Variants in ANAPC5 observed in about 807,000 individuals in gnomAD.
The protein encoded by ANAPC5 is anaphase promoting complex subunit 5.
Under a neutral mutation model 91.3 loss-of-function variants are expected in ANAPC5, and 60 were observed. The ratio of observed to expected loss-of-function variants is 0.66; its 90% CI spans 0.53 to 0.81. ANAPC5 has a LOEUF of 0.81. Among genes scored for constraint, ANAPC5 ranks in the 40% least tolerant of loss-of-function variants. The probability of loss-of-function intolerance (pLI) is 0.00; values close to 1 mark genes in which losing one functional copy is unlikely to be tolerated. For missense variants in ANAPC5, 690 were observed against 931.5 expected (o/e 0.74, Z 3.37); for synonymous variants, 340 against 364.1 (o/e 0.93, Z 0.75).
intron 5 of ANAPC5, 68 bp from the exon 6 acceptor site, chr12:121,337,460 T>G: frequency 1.8e-6 from 2 of 1,130,710 alleles, no homozygotes; most frequent in Non-Finnish European, 1.3e-6. Flanking sequence ...ATATACTAAC[T>G]AGCATCACCT....
intron 15 of ANAPC5, chr12:121,317,792 T>A (rs1902428140): frequency 6.6e-6 from 1 of 152,414 alleles, no homozygotes; most frequent in Non-Finnish European, 1.5e-5. Flanking sequence ...TTAATATTTA[T>A]TGAAAGCCTT....
chr12:121,352,577 T>C, upstream of ANAPC5: 1 of 465,566 alleles, frequency 2.1e-6, no homozygotes, highest in Non-Finnish European at 3.8e-6. Flanking sequence ...ACTGACTCCC[T>C]ACAGAAACTT....
In ANAPC5 at chr12:121,315,998, A is replaced by G. The variant is rs75088361; in HGVS notation, c.1893+2279T>C. 1.7e-3 allele frequency among the ~76,000 whole-genome samples: 253 copies of G among 152,352 alleles called. 4 individuals are homozygous for G. The East Asian group carries it at 0.043, about 26-fold the overall frequency. On this transcript the variant is annotated intron_variant, in intron 15 of 16. Transcript: ENST00000261819. ...TCAAAAGACACTAACAAGAAAGTGA[A>G]AAGACCAAACACAGAACAGGAGAAA...
chr12:121,337,267 C>A (rs1903274625), intron 6 of ANAPC5, 24 bp downstream of exon 6: 2 of 1,586,152 alleles, frequency 1.3e-6, no homozygotes, highest in Non-Finnish European at 8.6e-7. Flanking sequence ...TCCAACACAG[C>A]AACAAATTCT....
chr12:121,347,955 C>A (rs539671812), intron 1 of ANAPC5, 74 bp from the exon 2 acceptor site: 26 of 1,008,750 alleles, frequency 2.6e-5, no homozygotes, highest in African/African-American at 2.3e-4. Context: ...AACATAAATT[C>A]ATTTATCAAC....
Position 121,352,350 on chromosome 12 carries a change from A to G in ANAPC5, c.-10T>C, listed in dbSNP as rs2136829556. 6.3e-7 allele frequency: 1 copy of G among 1,587,192 alleles called. No individual in the cohort carries two copies. Among genetic ancestry groups the G allele is most frequent in the East Asian group, 2.3e-5 (1 of 44,288 alleles). Reference sequence around the variant, plus strand: ...CGTGGACGCTGGCCATGGCGGCCCGAGACTAAGTCTCGGGCCCGCGGCGCG... The same window carrying G: ...CGTGGACGCTGGCCATGGCGGCCCGGGACTAAGTCTCGGGCCCGCGGCGCG... On this transcript the variant is annotated 5_prime_UTR_variant, in exon 1 of 17. Coordinates refer to ENST00000261819, the MANE Select transcript of ANAPC5 (RefSeq NM_016237.5).
At chr12:121,325,993 C>T (rs958632027) in intron 11 of ANAPC5, among the ~76,000 whole-genome samples, 1 of 152,170 alleles carries the variant, frequency 6.6e-6, no homozygotes, top group East Asian at 1.9e-4. Flanking sequence ...AGGGAAGAAA[C>T]AAGCGAGAGA....
At position 121,347,924 on chromosome 12, in the gene ANAPC5, G is replaced by A. The variant is rs201004490; in HGVS notation, c.208-43C>T. 39 of 1,320,540 alleles carry A rather than the reference G, an allele frequency of 3.0e-5. No individual in the cohort carries two copies. In the East Asian group the frequency reaches 9.0e-4, roughly 30 times the overall value. The allele number at this position is 1,320,540 out of a possible 1,614,324, so 81.8% of individuals were successfully genotyped here. On this transcript the variant is annotated intron_variant, in intron 1 of 16. Transcript: ENST00000261819. Reference sequence around the variant, plus strand: ...AGGGAGGTATGGATTTTAAAGAGCTGGAGACTGATAAAGAATTGCAAACAT... The same window carrying A: ...AGGGAGGTATGGATTTTAAAGAGCTAGAGACTGATAAAGAATTGCAAACAT...
At chr12:121,321,812 AC>A (rs1902621140) in intron 11 of ANAPC5, among the ~76,000 whole-genome samples, 1 of 151,888 alleles carries the variant, frequency 6.6e-6, no homozygotes, top group Non-Finnish European at 1.5e-5. Flanking sequence ...TGCTGGGATT[AC>A]AGGCATGAGC....
At chr12:121,330,374 T>C (rs1455766942) in intron 9 of ANAPC5, among the ~76,000 whole-genome samples, 1 of 152,208 alleles carries the variant, frequency 6.6e-6, no homozygotes, top group African/African-American at 2.4e-5. Flanking sequence ...TTTCCACAGA[T>C]GTTATTAGGA....
At position 121,352,260 on chromosome 12, in the gene ANAPC5, C is replaced by T; in HGVS notation, c.81G>A (p.Lys27=). The change falls in exon 1 of 17, where the codon AAG becomes AAA. Residue 27 remains lysine, a synonymous_variant. Coordinates refer to ENST00000261819, the MANE Select transcript of ANAPC5 (RefSeq NM_016237.5). The part of the protein sequence containing the change: ...GVVHANVFGI[K]DWVTPYKIAV... Reference sequence around the variant, plus strand: ...CGATCTTGTACGGCGTCACCCAGTCCTTGATGCCGAACACATTGGCGTGCA... The same window carrying T: ...CGATCTTGTACGGCGTCACCCAGTCTTTGATGCCGAACACATTGGCGTGCA... 6.2e-7 allele frequency: 1 copy of T among 1,614,174 alleles called. No homozygotes were observed. The highest frequency in any genetic ancestry group is 2.2e-5 in the East Asian group (1 of 44,880).
intron 5 of ANAPC5, among the ~76,000 whole-genome samples, chr12:121,338,847 T>C (rs1163582225): frequency 2.6e-5 from 4 of 151,992 alleles, no homozygotes; most frequent in Non-Finnish European, 5.9e-5. Flanking sequence ...CAATATACCC[T>C]GTATTGTAAA....
intron 5 of ANAPC5, among the ~76,000 whole-genome samples, chr12:121,340,457 C>T (rs1291953400): frequency 1.3e-5 from 2 of 152,002 alleles, no homozygotes; most frequent in Non-Finnish European, 2.9e-5. Flanking sequence ...TCCAGCTGTA[C>T]TTTTTCCTTA....
At chr12:121,324,829 C>A (rs1431141605) in intron 11 of ANAPC5, among the ~76,000 whole-genome samples, 4 of 152,116 alleles carry the variant, frequency 2.6e-5, no homozygotes, top group African/African-American at 9.7e-5. Context: ...CTGCAGTGAG[C>A]TATGATTGTG....
intron 15 of ANAPC5, among the ~76,000 whole-genome samples, chr12:121,316,803 G>A (rs532466859): frequency 2.7e-5 from 4 of 149,308 alleles, no homozygotes; most frequent in Non-Finnish European, 4.4e-5. Context: ...GTAAAGAGCC[G>A]CTATTCATAA....
At chr12:121,336,285 A>T (rs1903234354) in intron 6 of ANAPC5, among the ~76,000 whole-genome samples, 1 of 152,150 alleles carries the variant, frequency 6.6e-6, no homozygotes, top group South Asian at 2.1e-4. Context: ...ATTTAAGAAA[A>T]TTTTCCGAGT....
chr12:121,347,094 A>T lies in ANAPC5; in HGVS notation c.288-89T>A, dbSNP rs144716812. 1,710 of 716,094 alleles carry T rather than the reference A, an allele frequency of 2.4e-3. 19 individuals carry two copies. The Middle Eastern group carries it at 0.024, about 10-fold the overall frequency. 44.4% of individuals were successfully genotyped at this position (716,094 alleles called of 1,614,324 possible). On this transcript the variant is annotated intron_variant, in intron 2 of 16. Transcript: ENST00000261819. ...ATTCCTCAATTACCTCAAATAATGT[A>T]TTTTACAGGCAATTCAGAGATTTGT...
chr12:121,327,974 T>C (rs782644583), intron 10 of ANAPC5: 3 of 200,478 alleles, frequency 1.5e-5, no homozygotes, highest in South Asian at 1.0e-4. Context: ...GTGCTTGGAG[T>C]CAGATGACGT....
At chr12:121,316,732 C>CAAAAAAAAA (rs35989752) in intron 15 of ANAPC5, among the ~76,000 whole-genome samples, 40 of 28,894 alleles carry the variant, frequency 1.4e-3, no homozygotes, top group African/African-American at 2.7e-3. Context: ...GACTCTGTCT[C>CAAAAAAAAA]AAAAAAAAAA....
Sources: gnomAD v4.1 joint callset for allele counts (sites outside exome capture counted in the v4.1 genomes callset) on GRCh38, gnomAD v4.1.1 for gene constraint, MANE v1.5 for transcripts, NCBI Gene and HGNC (gene_info 2026-07-23, HGNC 2026-07-21) for gene names.